Variants in RPS6KC1 observed in about 807,000 individuals in gnomAD.
The protein encoded by RPS6KC1 is ribosomal protein S6 kinase C1, also known as inactive ribosomal protein S6 kinase delta-1.
Under a neutral mutation model 103.8 loss-of-function variants are expected in RPS6KC1, and 54 were observed. That is an observed-to-expected ratio of 0.52 (90% CI 0.42 to 0.65). The LOEUF (loss-of-function observed/expected upper bound fraction) is 0.65. Ranked by LOEUF, RPS6KC1 falls within the 30% of genes least tolerant of loss-of-function variation. The probability of loss-of-function intolerance (pLI) is 0.00; values close to 1 mark genes in which losing one functional copy is unlikely to be tolerated. For missense variants in RPS6KC1, 1,151 were observed against 1,253.8 expected, an observed-to-expected ratio of 0.92 and a Z score of 1.24; for synonymous variants, 439 against 438.7, an observed-to-expected ratio of 1.00 and a Z score of -0.01.
chr1:213,499,024 CCTGT>C, the RPS6KC1 span, among the ~76,000 whole-genome samples: 1 of 151,870 alleles, frequency 6.6e-6, no homozygotes, highest in Admixed American at 6.6e-5. Flanking sequence ...AGGTGATCCA[CCTGT>C]CTCAGCCTCC....
chr1:213,187,102 A>G (rs2817975), intron 8 of RPS6KC1, among the ~76,000 whole-genome samples: 3,415 of 151,968 alleles, frequency 0.022, 135 homozygotes, highest in African/African-American at 0.077. Flanking sequence ...GGGTCTTCCT[A>G]TGTTGCCCAG....
chr1:213,397,483 CA>C, the RPS6KC1 span, among the ~76,000 whole-genome samples: 3 of 151,812 alleles, frequency 2.0e-5, no homozygotes. Flanking sequence ...CAGTAGCTTG[CA>C]TTCCACCAAG....
rs377336071 is a variant in RPS6KC1, at chr1:213,213,962, C to T, written c.1045-16535C>T. Among the ~76,000 whole-genome samples, 13 of 152,308 alleles carry T rather than the reference C, an allele frequency of 8.5e-5. No homozygotes were observed. In the South Asian group the frequency reaches 2.1e-3, roughly 24 times the overall value. On this transcript the variant is annotated intron_variant, in intron 8 of 14. Coordinates refer to ENST00000366960, the MANE Select transcript of RPS6KC1 (RefSeq NM_012424.6). Reference sequence around the variant, plus strand: ...CTCCCAGCATGAGCGACGCGGAAGACGAATGATTTCTGCATTTCCAACTGA... The same window carrying T: ...CTCCCAGCATGAGCGACGCGGAAGATGAATGATTTCTGCATTTCCAACTGA...
the RPS6KC1 span, among the ~76,000 whole-genome samples, chr1:213,662,402 C>T: frequency 6.7e-6 from 1 of 150,318 alleles, no homozygotes; most frequent in Admixed American, 6.6e-5. Flanking sequence ...GCTAGGATTA[C>T]AGGCATGTGC....
chr1:213,213,718 T>G (rs2093579321), intron 8 of RPS6KC1, among the ~76,000 whole-genome samples: 1 of 152,238 alleles, frequency 6.6e-6, no homozygotes, highest in Non-Finnish European at 1.5e-5. Flanking sequence ...GAATTTTGAG[T>G]AAATTTTATT....
the RPS6KC1 span, among the ~76,000 whole-genome samples, chr1:213,837,586 A>T: frequency 6.6e-6 from 1 of 152,300 alleles, no homozygotes; most frequent in East Asian, 1.9e-4. Flanking sequence ...GAGGAGGGAG[A>T]GACACACAAG....
the RPS6KC1 span, among the ~76,000 whole-genome samples, chr1:213,574,534 G>A: frequency 6.6e-6 from 1 of 152,174 alleles, no homozygotes; most frequent in Admixed American, 6.5e-5. Context: ...CTTTCCTTTA[G>A]TAAGCTTGCA....
chr1:213,532,921 G>A, the RPS6KC1 span, among the ~76,000 whole-genome samples: 1 of 152,220 alleles, frequency 6.6e-6, no homozygotes, highest in Admixed American at 6.5e-5. Flanking sequence ...GGGAAAGTGT[G>A]TCCCAGGAGC....
chr1:213,792,161 A>G, the RPS6KC1 span, among the ~76,000 whole-genome samples: 1 of 152,180 alleles, frequency 6.6e-6, no homozygotes, highest in Non-Finnish European at 1.5e-5. Context: ...CACACATACA[A>G]AAGAGAATCA....
At chr1:213,756,543 T>A in the RPS6KC1 span, among the ~76,000 whole-genome samples, 1 of 152,224 alleles carries the variant, frequency 6.6e-6, no homozygotes, top group Non-Finnish European at 1.5e-5. Flanking sequence ...ATTTTCAACA[T>A]CATGTGCTCA....
At chr1:213,608,571 C>T in the RPS6KC1 span, among the ~76,000 whole-genome samples, 3 of 151,826 alleles carry the variant, frequency 2.0e-5, no homozygotes, top group South Asian at 2.1e-4. Flanking sequence ...CCTGGACAAA[C>T]GACAGACATA....
chr1:213,205,267 G>A (rs1047743518), intron 8 of RPS6KC1: 2 of 984,842 alleles, frequency 2.0e-6, no homozygotes, highest in African/African-American at 1.8e-5. Context: ...CACTTGAGAT[G>A]TTCTGCTGAA....
At chr1:213,085,497 T>C (rs1238406799) in intron 3 of RPS6KC1, among the ~76,000 whole-genome samples, 1 of 152,178 alleles carries the variant, frequency 6.6e-6, no homozygotes, top group Admixed American at 6.5e-5. Flanking sequence ...ATAAGTAACC[T>C]TTGGGTAGAT....
chr1:213,426,469 G>A, the RPS6KC1 span, among the ~76,000 whole-genome samples: 3 of 152,140 alleles, frequency 2.0e-5, no homozygotes, highest in Non-Finnish European at 4.4e-5. Flanking sequence ...TCCTTCCCCC[G>A]TAACTAGAGT....
chr1:213,562,818 T>C, the RPS6KC1 span, among the ~76,000 whole-genome samples: 96,005 of 151,908 alleles, frequency 0.63, 30,730 homozygotes, highest in East Asian at 0.86. Flanking sequence ...TGTGTGCCAC[T>C]ATCCCTAGAT....
chr1:213,232,483 C>T (rs1257831882), intron 10 of RPS6KC1, among the ~76,000 whole-genome samples: 1 of 152,168 alleles, frequency 6.6e-6, no homozygotes, highest in Non-Finnish European at 1.5e-5. Flanking sequence ...TACTTCACTA[C>T]TTACTTTCTC....
the RPS6KC1 span, among the ~76,000 whole-genome samples, chr1:213,344,355 T>G: frequency 6.6e-6 from 1 of 152,232 alleles, no homozygotes; most frequent in African/African-American, 2.4e-5. Context: ...AATGTGTATT[T>G]CTTCTCAAAA....
At chr1:213,329,886 T>A in the RPS6KC1 span, among the ~76,000 whole-genome samples, 37 of 152,224 alleles carry the variant, frequency 2.4e-4, no homozygotes, top group African/African-American at 7.9e-4. Flanking sequence ...ACCCTTCCTT[T>A]CACATAGGAA....
intron 6 of RPS6KC1, among the ~76,000 whole-genome samples, chr1:213,142,860 T>C (rs773540016): frequency 4.6e-5 from 7 of 152,248 alleles, no homozygotes; most frequent in Non-Finnish European, 8.8e-5. Context: ...CTATGAATGG[T>C]GTAAACGTAA....
Sources: gnomAD v4.1 joint callset for allele counts (sites outside exome capture counted in the v4.1 genomes callset) on GRCh38, gnomAD v4.1.1 for gene constraint, MANE v1.5 for transcripts, NCBI Gene and HGNC (gene_info 2026-07-23, HGNC 2026-07-21) for gene names.